The following HERC2 variants were observed in gnomAD, a reference collection of about 807,000 sequenced individuals.
The protein encoded by HERC2 is E3 ubiquitin-protein ligase HERC2.
In HERC2, 102 loss-of-function variants were observed where a neutral mutation model predicts 537.7. That is an observed-to-expected ratio of 0.19 (90% CI 0.16 to 0.22). The LOEUF (loss-of-function observed/expected upper bound fraction) is 0.22, where lower values mean the gene tolerates loss of function less well. Ranked by LOEUF, HERC2 falls within the 10% of genes least tolerant of loss-of-function variation. The probability of loss-of-function intolerance (pLI) is 1.00; values close to 1 mark genes in which losing one functional copy is unlikely to be tolerated. For missense variants in HERC2, 4,236 were observed against 6,198.2 expected (o/e 0.68, Z 10.63); for synonymous variants, 2,224 against 2,466.2 (o/e 0.90, Z 2.91).
At chr15:28,164,992 AAATGTAAT>A (rs1304341097) in intron 68 of HERC2, among the ~76,000 whole-genome samples, 70 of 152,386 alleles carry the variant, frequency 4.6e-4, no homozygotes, top group African/African-American at 1.6e-3. Context: ...CAAGGGTTCC[AAATGTAAT>A]TAAAAATAAA....
At chr15:28,200,002 A>C (rs1897743559) in intron 48 of HERC2, among the ~76,000 whole-genome samples, 1 of 152,134 alleles carries the variant, frequency 6.6e-6, no homozygotes, top group Admixed American at 6.5e-5. Context: ...CCCAACTCCT[A>C]ATGTGGCAGT....
chr15:28,259,895 G>C (rs2075370958), intron 16 of HERC2, among the ~76,000 whole-genome samples: 1 of 150,356 alleles, frequency 6.7e-6, no homozygotes, highest in Non-Finnish European at 1.5e-5. Context: ...GTGAACCCAG[G>C]AGGCACAGGT....
At chr15:28,295,309 G>GT (rs1491587605) in intron 3 of HERC2, among the ~76,000 whole-genome samples, 19 of 1,726 alleles carry the variant, frequency 0.011, no homozygotes, top group Non-Finnish European at 0.1. Flanking sequence ...ACATGTGTGT[G>GT]GGGGGGGGGG....
chr15:28,270,565 G>A (rs1477345909), intron 10 of HERC2, 130 bp downstream of exon 10: 40 of 874,404 alleles, frequency 4.6e-5, no homozygotes, highest in East Asian at 3.3e-4. Flanking sequence ...CTGCAAACGC[G>A]TTTAAAAACC....
At position 28,121,513 on chromosome 15, in the gene HERC2, A is replaced by C. The variant is rs186055658; in HGVS notation, c.13189-84T>G. On this transcript the variant is annotated intron_variant, in intron 85 of 92. Coordinates refer to ENST00000261609, the MANE Select transcript of HERC2 (RefSeq NM_004667.6). ...GAAATCATCACATAGTTTTGTTTAAAATCTGTGTTGAAGACCTTCTTAAGG... is the reference window on the plus strand; with the variant it reads ...GAAATCATCACATAGTTTTGTTTAACATCTGTGTTGAAGACCTTCTTAAGG... 29 of 1,181,316 alleles carry C rather than the reference A, an allele frequency of 2.5e-5. No homozygotes were observed. The East Asian group carries it at 6.8e-4, about 28-fold the overall frequency. 73.2% of individuals were successfully genotyped at this position (1,181,316 alleles called of 1,614,324 possible). A position where few individuals can be genotyped will look rare whatever the true frequency, so the allele number is the denominator to read the frequency against.
chr15:28,177,218 C>A lies in HERC2; in HGVS notation c.9255-91G>T. 7.5e-7 allele frequency: 1 copy of A among 1,332,168 alleles called. No homozygotes were observed. Among genetic ancestry groups the A allele is most frequent in the South Asian group, 1.4e-5 (1 of 72,266 alleles). The allele number at this position is 1,332,168 out of a possible 1,614,324, so 82.5% of individuals were successfully genotyped here. A position where few individuals can be genotyped will look rare whatever the true frequency, so the allele number is the denominator to read the frequency against. ...ACATCTATACTGATCCACATGTAGT[C>A]AACACAGGATCCACAGATCAACTAT... On this transcript the variant is annotated intron_variant, in intron 60 of 92. Transcript: ENST00000261609. This position sits in a 1 kb window ranked among gnomAD's most constrained non-coding sequence, Gnocchi z 5.0.
At chr15:28,280,019 A>G in intron 5 of HERC2, 49 bp downstream of exon 5, 1 of 1,437,356 alleles carries the variant, frequency 7.0e-7, no homozygotes, top group Non-Finnish European at 9.6e-7. Context: ...AAACAGTCTG[A>G]ATTTTATATT....
At position 28,182,017 on chromosome 15, in the gene HERC2, C is replaced by T. The variant is rs1018908684; in HGVS notation, c.8937+384G>A. 1.3e-3 allele frequency among the ~76,000 whole-genome samples: 192 copies of T among 152,294 alleles called. 3 individuals are homozygous for T. Among genetic ancestry groups the T allele is most frequent in the Non-Finnish European group, 4.3e-4 (29 of 68,030 alleles). On this transcript the variant is annotated intron_variant, in intron 57 of 92. Transcript: ENST00000261609. ...ACTTCACCCTGAAGAATCTCAGGCG[C>T]GAAGCACCTGGAGGACAGAGACAAC...
At chr15:28,258,385 T>C (rs1012369914) in intron 16 of HERC2, among the ~76,000 whole-genome samples, 1 of 152,092 alleles carries the variant, frequency 6.6e-6, no homozygotes, top group African/African-American at 2.4e-5. Context: ...GGCAGGAGAA[T>C]TGCTTGAACC....
Position 28,254,305 on chromosome 15 carries a change from A to G in HERC2, c.3050+35T>C, listed in dbSNP as rs201001609. On this transcript the variant is annotated intron_variant, in intron 20 of 92. Coordinates refer to ENST00000261609, the MANE Select transcript of HERC2 (RefSeq NM_004667.6). Reference sequence around the variant, plus strand: ...CACACACACAAAAAAAAGTAAATAAATAACATATAATACAATACAGCTACT... The same window carrying G: ...CACACACACAAAAAAAAGTAAATAAGTAACATATAATACAATACAGCTACT... 3,662 of 1,431,188 alleles carry G rather than the reference A, an allele frequency of 2.6e-3. 15 individuals are homozygous for G. The highest frequency in any genetic ancestry group is 3.5e-3 in the South Asian group (271 of 77,050). 88.7% of individuals were successfully genotyped at this position (1,431,188 alleles called of 1,614,324 possible).
intron 23 of HERC2, 130 bp from the exon 24 acceptor site, chr15:28,238,902 G>C: frequency 2.7e-6 from 2 of 737,358 alleles, no homozygotes; most frequent in Non-Finnish European, 4.9e-6. Context: ...TACATACCTA[G>C]CTCTGAAACT....
At chr15:28,285,759 T>C (rs533479398) in intron 4 of HERC2, among the ~76,000 whole-genome samples, 1 of 137,174 alleles carries the variant, frequency 7.3e-6, no homozygotes, top group Admixed American at 7.2e-5. Context: ...GCTGGTTCTT[T>C]GATAAGATCA....
intron 35 of HERC2, 84 bp downstream of exon 35, chr15:28,228,129 TAAAAA>T (rs367658561): frequency 6.4e-6 from 6 of 940,250 alleles, no homozygotes; most frequent in Non-Finnish European, 7.6e-6. Flanking sequence ...CAAAAAGCTT[TAAAAA>T]AAAAAAAAAA....
intron 30 of HERC2, among the ~76,000 whole-genome samples, chr15:28,231,064 G>A (rs1333616904): frequency 6.6e-6 from 1 of 152,128 alleles, no homozygotes; most frequent in East Asian, 1.9e-4. Flanking sequence ...GTCCAGTTCA[G>A]TGGTTCTGTT....
At chr15:28,137,400 G>A (rs1890759948) in intron 78 of HERC2, among the ~76,000 whole-genome samples, 1 of 152,190 alleles carries the variant, frequency 6.6e-6, no homozygotes, top group Admixed American at 6.5e-5. Flanking sequence ...TTTATAAACT[G>A]AAGGTCTGTG....
intron 5 of HERC2, among the ~76,000 whole-genome samples, chr15:28,277,689 C>A (rs2075912284): frequency 6.6e-6 from 1 of 152,208 alleles, no homozygotes; most frequent in Non-Finnish European, 1.5e-5. Context: ...GTACATAACA[C>A]TGATTCATGA....
chr15:28,276,858 G>C (rs959089295), intron 5 of HERC2, among the ~76,000 whole-genome samples: 1 of 152,040 alleles, frequency 6.6e-6, no homozygotes, highest in Non-Finnish European at 1.5e-5. Context: ...AGTCAATATT[G>C]CTTGAGGCCA....
rs1178732831 is a variant in HERC2, at chr15:28,322,087, G to A, written c.-44C>T. 7 of 86,832 alleles carry A rather than the reference G, an allele frequency of 8.1e-5. No homozygotes were observed. Among genetic ancestry groups the A allele is most frequent in the Non-Finnish European group, 1.5e-4 (7 of 46,760 alleles). The allele number at this position is 86,832 out of a possible 1,614,324, so 5.4% of individuals were successfully genotyped here. Reference sequence around the variant, plus strand: ...CCCAGGCCAGGACCTGACGCGCAGGGCCCGGCCGCCTCGCCTCGCCGGCGC... The same window carrying A: ...CCCAGGCCAGGACCTGACGCGCAGGACCCGGCCGCCTCGCCTCGCCGGCGC... On this transcript the variant is annotated 5_prime_UTR_variant, in exon 1 of 93. Transcript: ENST00000261609.
intron 83 of HERC2, among the ~76,000 whole-genome samples, chr15:28,127,571 G>A (rs367562821): frequency 7.9e-5 from 12 of 152,118 alleles, no homozygotes; most frequent in Admixed American, 3.9e-4. Flanking sequence ...TCTGGGGAGC[G>A]GTGACGCCTC....
Sources: allele counts gnomAD v4.1 joint callset (sites outside exome capture counted in the v4.1 genomes callset), GRCh38; gene constraint gnomAD v4.1.1; non-coding constraint Gnocchi (gnomAD v3.1); transcripts MANE v1.5; gene names NCBI Gene and HGNC (gene_info 2026-07-23, HGNC 2026-07-21).